Variants in MEGF10 observed in about 807,000 individuals in gnomAD.
MEGF10 encodes the protein multiple EGF like domains 10.
Under a neutral mutation model 147.5 loss-of-function variants are expected in MEGF10, and 86 were observed. The ratio of observed to expected loss-of-function variants is 0.58; its 90% CI spans 0.49 to 0.70. The LOEUF (loss-of-function observed/expected upper bound fraction) is 0.70. Ranked by LOEUF, MEGF10 falls within the 30% of genes least tolerant of loss-of-function variation. The pLI is 0.00. For synonymous variants in MEGF10, 478 were observed against 525.5 expected (o/e 0.91, Z 1.24); for missense variants, 1,329 against 1,487.3 (o/e 0.89, Z 1.75).
At chr5:127,387,588 G>A (rs1763479474) in intron 5 of MEGF10, among the ~76,000 whole-genome samples, 1 of 152,208 alleles carries the variant, frequency 6.6e-6, no homozygotes. Context: ...TCTTTGGGGT[G>A]TTCAGCGTGG....
intron 6 of MEGF10, 63 bp downstream of exon 6, chr5:127,396,841 C>T: frequency 6.4e-7 from 1 of 1,566,454 alleles, no homozygotes; most frequent in Admixed American, 1.8e-5. Flanking sequence ...CATGCTGCTG[C>T]TGCCATCATA....
chr5:127,436,518 G>A (rs1447908313), intron 16 of MEGF10, among the ~76,000 whole-genome samples: 1 of 152,184 alleles, frequency 6.6e-6, no homozygotes. Context: ...AAATCTACAT[G>A]TGTTGCAAGG....
At chr5:127,383,482 A>G (rs534520073) in intron 5 of MEGF10, among the ~76,000 whole-genome samples, 93 of 152,304 alleles carry the variant, frequency 6.1e-4, no homozygotes, top group Non-Finnish European at 1.2e-3. Context: ...AAATAAAAAT[A>G]AAAAGTAAAT....
At chr5:127,440,092 T>C (rs1190207424) in intron 17 of MEGF10, among the ~76,000 whole-genome samples, 1 of 152,242 alleles carries the variant, frequency 6.6e-6, no homozygotes, top group South Asian at 2.1e-4. Flanking sequence ...TGCCAGCCCA[T>C]GTAAGCCAAC....
chr5:127,435,234 T>C (rs1178010984), intron 15 of MEGF10, 127 bp from the exon 16 acceptor site: 7 of 1,134,880 alleles, frequency 6.2e-6, no homozygotes, highest in Admixed American at 2.8e-5. Context: ...AAGGATGCTG[T>C]TGAGCAGAGA....
chr5:127,419,093 T>C (rs780506919), intron 10 of MEGF10, 27 bp from the exon 11 acceptor site: 50 of 1,583,144 alleles, frequency 3.2e-5, no homozygotes, highest in Non-Finnish European at 3.9e-5. Flanking sequence ...CAAAATTGAA[T>C]GCATTTTGCT....
At chr5:127,235,971 C>G in the MEGF10 span, among the ~76,000 whole-genome samples, 2 of 122,570 alleles carry the variant, frequency 1.6e-5, no homozygotes, top group South Asian at 2.6e-4. Context: ...AGCCCAGGGT[C>G]GGCAAACTTT....
intron 2 of MEGF10, among the ~76,000 whole-genome samples, chr5:127,332,789 C>A (rs1477777673): frequency 6.6e-6 from 1 of 151,998 alleles, no homozygotes; most frequent in Non-Finnish European, 1.5e-5. Context: ...ATAATAAATA[C>A]TTATTAAAGT....
intron 5 of MEGF10, among the ~76,000 whole-genome samples, chr5:127,381,100 C>T (rs1763243098): frequency 6.6e-6 from 1 of 152,142 alleles, no homozygotes; most frequent in Admixed American, 6.5e-5. Flanking sequence ...AACAATTTTG[C>T]TATCTAAACT....
intron 13 of MEGF10, among the ~76,000 whole-genome samples, chr5:127,423,491 A>G (rs1304285817): frequency 6.6e-6 from 1 of 152,240 alleles, no homozygotes; most frequent in East Asian, 1.9e-4. Flanking sequence ...ACTACTTTAC[A>G]TTCCTACCAG....
chr5:127,278,712 C>T, the MEGF10 span, among the ~76,000 whole-genome samples: 1 of 152,132 alleles, frequency 6.6e-6, no homozygotes, highest in Non-Finnish European at 1.5e-5. Context: ...AGGTGGATGA[C>T]CAGCTGTAGT....
At chr5:127,391,102 G>GCGTGCGCGCGCA (rs1426600414) in intron 5 of MEGF10, among the ~76,000 whole-genome samples, 1 of 53,894 alleles carries the variant, frequency 1.9e-5, no homozygotes, top group Non-Finnish European at 5.0e-5. Flanking sequence ...GCGCGCGCGC[G>GCGTGCGCGCGCA]CACACACACA....
the MEGF10 span, among the ~76,000 whole-genome samples, chr5:127,263,311 G>C: frequency 5.4e-5 from 8 of 149,000 alleles, no homozygotes; most frequent in Admixed American, 6.7e-5. Flanking sequence ...GATTCTCGGG[G>C]GGGGGGTAAA....
At chr5:127,356,926 C>G (rs942607051) in intron 4 of MEGF10, among the ~76,000 whole-genome samples, 2 of 152,302 alleles carry the variant, frequency 1.3e-5, no homozygotes, top group East Asian at 3.9e-4. Context: ...ATTCCTTACT[C>G]CCTATACCCT....
chr5:127,286,969 T>C (rs1266933819), upstream of MEGF10, among the ~76,000 whole-genome samples: 2 of 151,890 alleles, frequency 1.3e-5, no homozygotes, highest in Non-Finnish European at 3.0e-5. Flanking sequence ...CCAAGTAAGC[T>C]TTAACCCAAG....
At chr5:127,248,856 C>T in the MEGF10 span, among the ~76,000 whole-genome samples, 1 of 150,412 alleles carries the variant, frequency 6.6e-6, no homozygotes, top group African/African-American at 2.4e-5. Context: ...TCTAAAAACA[C>T]CAAAGCAGTA....
intron 8 of MEGF10, among the ~76,000 whole-genome samples, chr5:127,403,983 G>A (rs1021962227): frequency 1.3e-5 from 2 of 152,118 alleles, no homozygotes; most frequent in Non-Finnish European, 2.9e-5. Flanking sequence ...GGATCATAAG[G>A]TAGCTCAATT....
At chr5:127,303,224 T>C (rs1759851313) in intron 1 of MEGF10, among the ~76,000 whole-genome samples, 1 of 151,154 alleles carries the variant, frequency 6.6e-6, no homozygotes, top group South Asian at 2.1e-4. Context: ...TAATCCCAGC[T>C]ACTCGGGAGG....
chr5:127,350,616 A>T (rs1406788751), intron 4 of MEGF10, among the ~76,000 whole-genome samples: 1 of 152,094 alleles, frequency 6.6e-6, no homozygotes, highest in African/African-American at 2.4e-5. Flanking sequence ...TTCAGGGCTC[A>T]GTCTGTACTA....
Sources: allele counts gnomAD v4.1 joint callset (sites outside exome capture counted in the v4.1 genomes callset), GRCh38; gene constraint gnomAD v4.1.1; transcripts MANE v1.5; gene names NCBI Gene and HGNC (gene_info 2026-07-23, HGNC 2026-07-21).